LAD1: variants seen among roughly 807,000 people sequenced by gnomAD.
The protein encoded by LAD1 is ladinin-1.
LAD1 carries 53 observed loss-of-function variants against 54.2 expected under a neutral mutation model. The observed-to-expected ratio is 0.98, with a 90% CI of 0.78 to 1.23. LAD1 has a LOEUF of 1.23. Ranked by LOEUF, LAD1 falls within the 50% of genes most tolerant of loss-of-function variation. The pLI, the probability that LAD1 is intolerant of heterozygous loss-of-function variation, is 0.00. For synonymous variants in LAD1, 231 were observed against 257.7 expected (o/e 0.90, Z 0.99); for missense variants, 637 against 653.3 (o/e 0.98, Z 0.27).
In LAD1 at chr1:201,386,615, A is replaced by T. The variant is rs773978493; in HGVS notation, c.746T>A (p.Leu249Gln). The T allele has an allele frequency of 6.2e-7, 1 of 1,614,178 alleles. No individual in the cohort carries two copies. ...AGACACCAGCCTCCTTCCTGAGCCC[A>T]GTGCCATCCCTGGGGCCAGCGACTT... ...SEKSLAPGMALGSGRRLVSEK... is the reference protein window; with the variant it reads ...SEKSLAPGMAQGSGRRLVSEK... The change falls in exon 3 of 10, where the codon CTG becomes CAG. Residue 249 changes from leucine (L) to glutamine (Q), a missense_variant. Leu to Gln is a moderately radical substitution (Grantham distance 113). Coordinates refer to ENST00000391967, the MANE Select transcript of LAD1 (RefSeq NM_005558.4).
At chr1:201,392,117 C>G (rs538718601) in intron 1 of LAD1, among the ~76,000 whole-genome samples, 1 of 152,266 alleles carries the variant, frequency 6.6e-6, no homozygotes, top group African/African-American at 2.4e-5. Context: ...GGTTTCTAGT[C>G]CTCCTGCCCT....
At chr1:201,387,370 A>C (rs1662113904) in intron 2 of LAD1, among the ~76,000 whole-genome samples, 192 bp from the exon 3 acceptor site, 2 of 152,188 alleles carry the variant, frequency 1.3e-5, no homozygotes, top group African/African-American at 2.4e-5. Context: ...AGCAAAGCAC[A>C]CTATGCTTTT....
chr1:201,386,618 G>A lies in LAD1; in HGVS notation c.743C>T (p.Ala248Val). 2 of 1,614,196 alleles carry A rather than the reference G, an allele frequency of 1.2e-6. No individual in the cohort carries two copies. The highest frequency in any genetic ancestry group is 1.7e-6 in the Non-Finnish European group (2 of 1,180,030). Residue 248 changes from alanine (A) to valine (V), a missense_variant, in exon 3 of 10, where the codon GCA (alanine) becomes GTA (valine). By Grantham distance (64) the Ala-to-Val change is moderately conservative. Transcript: ENST00000391967. ...VSEKSLAPGM[A>V]LGSGRRLVSE... ...CACCAGCCTCCTTCCTGAGCCCAGT[G>A]CCATCCCTGGGGCCAGCGACTTCTC...
At chr1:201,382,518 AAATGACTCCTCCTCTCCCG>A (rs1661983769) in intron 8 of LAD1, 116 bp downstream of exon 8, 1 of 748,820 alleles carries the variant, frequency 1.3e-6, no homozygotes, top group African/African-American at 2.1e-5. Flanking sequence ...TCCACTCCTG[AAATGACTCCTCCTCTCCCG>A]AAATGACTCC....
chr1:201,389,815 C>A (rs1241487014), intron 1 of LAD1, among the ~76,000 whole-genome samples: 2 of 151,884 alleles, frequency 1.3e-5, no homozygotes, highest in African/African-American at 4.8e-5. Context: ...CAACAAGACT[C>A]TGTCTCAAAA....
intron 9 of LAD1, 112 bp from the exon 10 acceptor site, chr1:201,382,005 G>T: frequency 8.5e-7 from 1 of 1,173,382 alleles, no homozygotes; most frequent in Non-Finnish European, 1.2e-6. Flanking sequence ...CCCACAAGGA[G>T]TCAGAGCCCT....
intron 5 of LAD1, 128 bp downstream of exon 5, chr1:201,384,664 G>A (rs1299653890): frequency 4.5e-6 from 4 of 896,014 alleles, no homozygotes; most frequent in East Asian, 2.4e-5. Flanking sequence ...TGGAGCCCTG[G>A]GCAAGGACTG....
chr1:201,399,203 CGAG>C (rs1372961378), intron 1 of LAD1, 63 bp downstream of exon 1: 2 of 1,323,414 alleles, frequency 1.5e-6, no homozygotes, highest in East Asian at 4.9e-5. Context: ...GCCGGTGCCC[CGAG>C]GAGAGGAGAC....
intron 8 of LAD1, 107 bp from the exon 9 acceptor site, chr1:201,382,433 A>C: frequency 1.0e-6 from 1 of 973,676 alleles, no homozygotes; most frequent in Non-Finnish European, 1.6e-6. Context: ...CTCTTCCCAA[A>C]AGAGAAAAGG....
At chr1:201,382,830 C>A (rs1251270624) in intron 7 of LAD1, 91 bp from the exon 8 acceptor site, 2 of 1,050,580 alleles carry the variant, frequency 1.9e-6, no homozygotes, top group Non-Finnish European at 2.8e-6. Flanking sequence ...GACTCTCCCT[C>A]ACTCCCCTAT....
At chr1:201,391,246 C>T (rs1407922420) in intron 1 of LAD1, 1 of 429,538 alleles carries the variant, frequency 2.3e-6, no homozygotes, top group East Asian at 7.1e-5. Flanking sequence ...AAGGGGACCC[C>T]ACACTCTACT....
In LAD1 at chr1:201,383,077, C is replaced by A. The variant is rs770122019; in HGVS notation, c.1383G>T (p.Arg461=). 3 of 1,612,016 alleles carry A rather than the reference C, an allele frequency of 1.9e-6. No homozygotes were observed. Among genetic ancestry groups the A allele is most frequent in the Admixed American group, 1.7e-5 (1 of 59,950 alleles). Residue 461 remains arginine (R), a synonymous_variant, in exon 7 of 10, where the codon CGG becomes CGT. Coordinates refer to ENST00000391967, the MANE Select transcript of LAD1 (RefSeq NM_005558.4). ...CTGTGGGGCCTGAGCCCCTCACCTTCCGGCTGGAGGCTGGTTCTGCTCGGC... is the reference window on the plus strand; with the variant it reads ...CTGTGGGGCCTGAGCCCCTCACCTTACGGCTGGAGGCTGGTTCTGCTCGGC... The part of the protein sequence containing the change: ...GQSRAEPASS[R]KENLRLSGVV...
intron 2 of LAD1, among the ~76,000 whole-genome samples, chr1:201,388,510 C>T (rs932843137): frequency 1.3e-5 from 2 of 151,946 alleles, no homozygotes; most frequent in Non-Finnish European, 1.5e-5. Flanking sequence ...TGGTAAAACC[C>T]CATTTCTACT....
At chr1:201,389,347 G>T in intron 1 of LAD1, 44 bp from the exon 2 acceptor site, 1 of 1,587,338 alleles carries the variant, frequency 6.3e-7, no homozygotes. Flanking sequence ...GGGAAACCCA[G>T]GACCCTCCCG....
In LAD1 at chr1:201,385,726, G is replaced by C. The variant is rs371965557; in HGVS notation, c.1106C>G (p.Ser369Cys). Residue 369 changes from serine to cysteine, a missense_variant, in exon 4 of 10, where the codon TCC becomes TGC. By Grantham distance (112) the Ser-to-Cys change is moderately radical (BLOSUM62 -1). Coordinates refer to ENST00000391967, the MANE Select transcript of LAD1 (RefSeq NM_005558.4). ...QRTYSSSLKR[S>C]SPRTISFRMK... ...CCGAAAGGAGATGGTCCTGGGGCTG[G>C]AGCGTTTGAGGGAGCTGCTGTAGGT... The C allele has an allele frequency of 1.2e-5, 19 of 1,613,972 alleles. 1 individual carries two copies. The highest frequency in any genetic ancestry group is 6.7e-5 in the East Asian group (3 of 44,890).
chr1:201,383,190 G>C lies in LAD1; in HGVS notation c.1270C>G (p.Arg424Gly). Residue 424 changes from arginine to glycine, a missense_variant, in exon 7 of 10, where the codon CGG becomes GGG. Physicochemically the swap from Arg to Gly is moderately radical, Grantham distance 125. Transcript: ENST00000391967. ...AIRRSESVKS[R>G]GLPCTELFVA... ...AATAACTCAGTGCAAGGCAGACCCC[G>C]AGACTTGACAGATTCTGATCTCTGG... is the stretch of plus-strand genomic sequence containing the variant. 6.2e-7 allele frequency: 1 copy of C among 1,613,986 alleles called. No individual in the cohort carries two copies.
At position 201,385,767 on chromosome 1, in the gene LAD1, G is replaced by C; in HGVS notation, c.1065C>G (p.Ser355=). The change falls in exon 4 of 10, where the codon TCC becomes TCG. Residue 355 remains serine (S), a synonymous_variant. Coordinates refer to ENST00000391967, the MANE Select transcript of LAD1 (RefSeq NM_005558.4). ...TGCTGTAGGTTCGCTGTGTGGGTGA[G>C]GACATATCTGCCTCTTCCTCCTTGC... ...IPSKEEEADM[S]SPTQRTYSSS... 1 of 1,614,140 alleles carries C rather than the reference G, an allele frequency of 6.2e-7. No individual in the cohort carries two copies. The highest frequency in any genetic ancestry group is 1.1e-5 in the South Asian group (1 of 91,082).
Position 201,386,899 on chromosome 1 carries a change from C to T in LAD1, c.462G>A (p.Trp154Ter). The T allele has an allele frequency of 6.2e-7, 1 of 1,613,878 alleles. No individual in the cohort carries two copies. Among genetic ancestry groups the T allele is most frequent in the Non-Finnish European group, 8.5e-7 (1 of 1,180,018 alleles). ...CCACCAAGCTCTCCTCCTCCAGGGC[C>T]CAGGGGCCCCGCTGTTCCCGACTCA... ...RRLSREQRGP[W>*]ALEEESLVGR... is the part of the protein sequence containing the mutation. The change falls in exon 3 of 10, where the codon TGG becomes TGA. Residue 154 changes from tryptophan to a stop codon, truncating the protein, a stop_gained. Transcript: ENST00000391967. LOFTEE classifies it high-confidence loss of function.
intron 1 of LAD1, among the ~76,000 whole-genome samples, chr1:201,393,329 C>G (rs1439905684): frequency 6.6e-6 from 1 of 152,134 alleles, no homozygotes; most frequent in Non-Finnish European, 1.5e-5. Flanking sequence ...CACAGAGGCA[C>G]CAGATACCAC....
Sources: allele counts gnomAD v4.1 joint callset (sites outside exome capture counted in the v4.1 genomes callset), GRCh38; gene constraint gnomAD v4.1.1; transcripts MANE v1.5; gene names NCBI Gene and HGNC (gene_info 2026-07-23, HGNC 2026-07-21).